Variants in AGBL4 observed in about 807,000 individuals in gnomAD.
AGBL4 encodes cytosolic carboxypeptidase 6.
A neutral mutation model predicts 66.4 loss-of-function variants in AGBL4; 58 were observed. The observed-to-expected ratio is 0.87, with a 90% CI of 0.71 to 1.09. The LOEUF (loss-of-function observed/expected upper bound fraction) is 1.09, where lower values mean the gene tolerates loss of function less well. Among genes scored for constraint, AGBL4 ranks in the 50% least tolerant of loss-of-function variants. AGBL4 has a pLI of 0.00. For synonymous variants in AGBL4, 234 were observed against 222.9 expected (o/e 1.05, Z -0.44); for missense variants, 579 against 631.0 (o/e 0.92, Z 0.88).
At chr1:49,612,911 A>T (rs144332226) in intron 3 of AGBL4, among the ~76,000 whole-genome samples, 566 of 152,304 alleles carry the variant, frequency 3.7e-3, no homozygotes, top group African/African-American at 0.013. Flanking sequence ...GAATCCTTCT[A>T]CCAAAAATAC....
chr1:49,659,075 C>T (rs1369672644), intron 3 of AGBL4, among the ~76,000 whole-genome samples: 1 of 151,824 alleles, frequency 6.6e-6, no homozygotes, highest in African/African-American at 2.4e-5. Context: ...GCTTCATAAA[C>T]AAAGGAGAAA....
intron 6 of AGBL4, among the ~76,000 whole-genome samples, chr1:48,787,334 T>C (rs1196230893): frequency 6.6e-6 from 1 of 152,186 alleles, no homozygotes; most frequent in Non-Finnish European, 1.5e-5. Context: ...CCAGGTGAGA[T>C]CCTGACAGGC....
chr1:48,604,004 A>T (rs1337065470), intron 9 of AGBL4, among the ~76,000 whole-genome samples: 2 of 152,054 alleles, frequency 1.3e-5, no homozygotes, highest in African/African-American at 4.8e-5. Flanking sequence ...GCATGGTGGC[A>T]CGCCTGTAAT....
At chr1:49,747,359 T>C (rs762242324) in intron 2 of AGBL4, among the ~76,000 whole-genome samples, 6 of 152,110 alleles carry the variant, frequency 3.9e-5, no homozygotes, top group South Asian at 2.1e-4. Flanking sequence ...CAACATAGCG[T>C]AGTGAAAATA....
chr1:49,341,360 G>A (rs570284973), intron 3 of AGBL4, among the ~76,000 whole-genome samples: 11 of 152,234 alleles, frequency 7.2e-5, no homozygotes, highest in East Asian at 3.9e-4. Context: ...GTATTTTATC[G>A]CAGGTGAAAA....
At chr1:49,006,243 C>A (rs555103870) in intron 5 of AGBL4, among the ~76,000 whole-genome samples, 127 of 152,232 alleles carry the variant, frequency 8.3e-4, no homozygotes, top group African/African-American at 2.9e-3. Flanking sequence ...AGTTCCCTTT[C>A]CTAGTCAAAG....
At chr1:49,337,960 C>T (rs974468397) in intron 3 of AGBL4, among the ~76,000 whole-genome samples, 1 of 152,154 alleles carries the variant, frequency 6.6e-6, no homozygotes, top group African/African-American at 2.4e-5. Context: ...ATCCATCAGG[C>T]TCCTGTGGGT....
At chr1:49,948,071 TGTAA>T in intron 1 of AGBL4, among the ~76,000 whole-genome samples, 1 of 91,070 alleles carries the variant, frequency 1.1e-5, no homozygotes, top group African/African-American at 5.1e-5. Context: ...TGTAAATATA[TGTAA>T]ATATATGTAA....
chr1:49,150,736 C>T (rs751112543), intron 4 of AGBL4, among the ~76,000 whole-genome samples: 2 of 152,118 alleles, frequency 1.3e-5, no homozygotes, highest in Non-Finnish European at 2.9e-5. Flanking sequence ...TCACTTCCTC[C>T]AGGCACCCTT....
chr1:49,634,036 T>A (rs1358276697), intron 3 of AGBL4, among the ~76,000 whole-genome samples: 2 of 151,802 alleles, frequency 1.3e-5, no homozygotes, highest in Non-Finnish European at 2.9e-5. Flanking sequence ...ATTTTTGAGA[T>A]ATTTACATTA....
At chr1:49,274,736 T>C (rs1005478740) in intron 3 of AGBL4, among the ~76,000 whole-genome samples, 4 of 152,204 alleles carry the variant, frequency 2.6e-5, no homozygotes, top group African/African-American at 9.6e-5. Context: ...AGGTAAAAAA[T>C]TCCAGGACTC....
At chr1:49,065,607 C>T (rs931298496) in intron 4 of AGBL4, among the ~76,000 whole-genome samples, 1 of 152,168 alleles carries the variant, frequency 6.6e-6, no homozygotes, top group Non-Finnish European at 1.5e-5. Context: ...ACTGTATTAT[C>T]CATATGCTCT....
chr1:48,703,549 G>A (rs1211724300), intron 6 of AGBL4, among the ~76,000 whole-genome samples: 2 of 152,116 alleles, frequency 1.3e-5, no homozygotes, highest in African/African-American at 4.8e-5. Context: ...AGGGAAAAAG[G>A]ACTTTCAGAT....
chr1:48,696,776 G>A (rs1158227600), intron 6 of AGBL4, among the ~76,000 whole-genome samples: 1 of 152,194 alleles, frequency 6.6e-6, no homozygotes. Context: ...CAGCAATGTG[G>A]CCTACAGAGA....
In AGBL4 at chr1:49,923,091, A is replaced by G. The variant is rs147312253; in HGVS notation, c.35-71573T>C. Among the ~76,000 whole-genome samples, 3 of 152,338 alleles carry G rather than the reference A, an allele frequency of 2.0e-5. No individual in the cohort carries two copies. The East Asian group carries it at 5.8e-4, about 29-fold the overall frequency. ...CAATCCTACAGAGCTACAGTTACCAAAACAGCATGTATTGGTACAAAAACA... is the reference window on the plus strand; with the variant it reads ...CAATCCTACAGAGCTACAGTTACCAGAACAGCATGTATTGGTACAAAAACA... On this transcript the variant is annotated intron_variant, in intron 1 of 13. Transcript: ENST00000371839.
intron 5 of AGBL4, among the ~76,000 whole-genome samples, chr1:48,892,749 C>T (rs1351281251): frequency 6.6e-6 from 1 of 152,152 alleles, no homozygotes; most frequent in Non-Finnish European, 1.5e-5. Context: ...CAGGTTTGCC[C>T]TAAGCAGTTC....
At chr1:49,293,307 T>A (rs1644579109) in intron 3 of AGBL4, among the ~76,000 whole-genome samples, 1 of 152,118 alleles carries the variant, frequency 6.6e-6, no homozygotes, top group East Asian at 1.9e-4. Context: ...TTGGCAGGCA[T>A]AGGATCCAAG....
chr1:49,001,656 C>T (rs115357501), intron 5 of AGBL4, among the ~76,000 whole-genome samples: 5 of 152,268 alleles, frequency 3.3e-5, no homozygotes, highest in African/African-American at 4.8e-5. Context: ...TTCTCACTGC[C>T]GTGGTGCTTC....
chr1:49,072,189 C>T (rs1273727127), intron 4 of AGBL4, among the ~76,000 whole-genome samples: 1 of 152,148 alleles, frequency 6.6e-6, no homozygotes, highest in Non-Finnish European at 1.5e-5. Context: ...GGTCTTGACT[C>T]TGTATCCAAT....
Sources: allele counts gnomAD v4.1 joint callset (sites outside exome capture counted in the v4.1 genomes callset), GRCh38; gene constraint gnomAD v4.1.1; transcripts MANE v1.5; gene names NCBI Gene and HGNC (gene_info 2026-07-23, HGNC 2026-07-21).